PNPLA1: variants seen among roughly 807,000 people sequenced by gnomAD.
PNPLA1 encodes patatin like domain 1, omega-hydroxyceramide transacylase.
PNPLA1 carries 36 observed loss-of-function variants against 51.7 expected under a neutral mutation model. The ratio of observed to expected loss-of-function variants is 0.70; its 90% confidence interval spans 0.53 to 0.92. The LOEUF (loss-of-function observed/expected upper bound fraction) is 0.92. PNPLA1 is among the 40% of genes least tolerant of loss of function. The pLI, the probability that PNPLA1 is intolerant of heterozygous loss-of-function variation, is 0.00. For synonymous variants in PNPLA1, 293 were observed against 280.1 expected (o/e 1.05, Z -0.46); for missense variants, 658 against 682.5 (o/e 0.96, Z 0.40).
intron 1 of PNPLA1, among the ~76,000 whole-genome samples, chr6:36,246,803 A>G (rs1363811358): frequency 6.6e-6 from 1 of 152,188 alleles, no homozygotes; most frequent in Non-Finnish European, 1.5e-5. Flanking sequence ...TTTTCATGAC[A>G]TAAACAGCTC....
chr6:36,291,211 TC>T, intron 1 of PNPLA1, 108 bp from the exon 2 acceptor site: 1 of 775,474 alleles, frequency 1.3e-6, no homozygotes, highest in Non-Finnish European at 2.1e-6. Context: ...ATTCTAGGTT[TC>T]CCCATTTGTT....
At chr6:36,310,000 A>G (rs1174037273) in intron 8 of PNPLA1, among the ~76,000 whole-genome samples, 3 of 152,232 alleles carry the variant, frequency 2.0e-5, no homozygotes, top group African/African-American at 7.2e-5. Context: ...GCTAAAGTGT[A>G]GATGTCCCAT....
At chr6:36,274,267 T>C (rs1770022601) in intron 1 of PNPLA1, among the ~76,000 whole-genome samples, 1 of 152,170 alleles carries the variant, frequency 6.6e-6, no homozygotes, top group South Asian at 2.1e-4. Flanking sequence ...GAATTCGAAC[T>C]CAGTCTGGCC....
chr6:36,300,069 A>G (rs148370154), intron 5 of PNPLA1, among the ~76,000 whole-genome samples: 1 of 152,028 alleles, frequency 6.6e-6, no homozygotes, highest in Non-Finnish European at 1.5e-5. Context: ...TTTCTGTTCC[A>G]GGACCCCCCA....
chr6:36,272,941 C>A (rs1226458087), intron 1 of PNPLA1, among the ~76,000 whole-genome samples: 1 of 151,974 alleles, frequency 6.6e-6, no homozygotes, highest in Non-Finnish European at 1.5e-5. Flanking sequence ...TCAAACAGTG[C>A]GAAAGTGTAT....
chr6:36,273,205 A>G (rs2127325595), intron 1 of PNPLA1, among the ~76,000 whole-genome samples: 1 of 152,018 alleles, frequency 6.6e-6, no homozygotes, highest in South Asian at 2.1e-4. Context: ...GCGCTACTAC[A>G]CTCCAGCCTG....
At chr6:36,277,716 T>G (rs755018841) in intron 1 of PNPLA1, among the ~76,000 whole-genome samples, 1 of 152,144 alleles carries the variant, frequency 6.6e-6, no homozygotes, top group Admixed American at 6.5e-5. Flanking sequence ...ATAAAATAAT[T>G]AGCCAGGTGT....
intron 8 of PNPLA1, among the ~76,000 whole-genome samples, chr6:36,309,797 G>C (rs1451235238): frequency 6.6e-6 from 1 of 152,144 alleles, no homozygotes. Flanking sequence ...AATTCCAAAG[G>C]CTGGGGTAAG....
At position 36,270,580 on chromosome 6, in the gene PNPLA1, C is replaced by G. The variant is rs975722641; in HGVS notation, c.121C>G (p.Arg41Gly). Reference sequence around the variant, plus strand: ...GGACGCCCTGCGGGACCTGGCCCCCCGGATGCTGGAAACAGCCCACCGCTT... The same window carrying G: ...GGACGCCCTGCGGGACCTGGCCCCCGGGATGCTGGAAACAGCCCACCGCTT... ...AVDALRDLAP[R>G]MLETAHRFAG... Residue 41 changes from arginine (R) to glycine (G), a missense_variant, in exon 1 of 9, where the codon CGG becomes GGG. Arg to Gly is a moderately radical substitution (Grantham distance 125). Transcript: ENST00000636260. 1.3e-6 allele frequency: 2 copies of G among 1,551,604 alleles called. No homozygotes were observed.
At chr6:36,288,665 AGCC>A (rs2127342438) in intron 1 of PNPLA1, among the ~76,000 whole-genome samples, 1 of 151,240 alleles carries the variant, frequency 6.6e-6, no homozygotes, top group South Asian at 2.1e-4. Flanking sequence ...TCACCTTGTT[AGCC>A]AGGATGGTCT....
Position 36,291,387 on chromosome 6 carries a change from C to T in PNPLA1, c.273C>T (p.Ser91=). The change falls in exon 2 of 9, where the codon TCC becomes TCT. Residue 91 remains serine, a synonymous_variant. Transcript: ENST00000636260. The part of the protein sequence containing the change: ...EVKKSFLGPL[S]PSCKMVQMMR... ...AGAAATCCTTCCTGGGGCCCTTGTCCCCGTCCTGTAAGATGGTGCAGATGA... is the reference window on the plus strand; with the variant it reads ...AGAAATCCTTCCTGGGGCCCTTGTCTCCGTCCTGTAAGATGGTGCAGATGA... The T allele has an allele frequency of 6.2e-7, 1 of 1,614,104 alleles. No homozygotes were observed. Among genetic ancestry groups the T allele is most frequent in the Non-Finnish European group, 8.5e-7 (1 of 1,180,018 alleles).
intron 1 of PNPLA1, among the ~76,000 whole-genome samples, chr6:36,255,649 T>G (rs1051530303): frequency 9.9e-5 from 15 of 151,724 alleles, no homozygotes; most frequent in Non-Finnish European, 4.4e-5. Context: ...ATTGTGCCAC[T>G]GCACTCCAGC....
chr6:36,293,816 A>G (rs2127346356), intron 3 of PNPLA1, among the ~76,000 whole-genome samples: 1 of 152,288 alleles, frequency 6.6e-6, no homozygotes, highest in East Asian at 1.9e-4. Context: ...CCAGAAAGGA[A>G]GGGGCTTGTG....
Position 36,270,489 on chromosome 6 carries a change from G to C in PNPLA1, c.30G>C (p.Pro10=). Residue 10 remains proline (P), a synonymous_variant, in exon 1 of 9, where the codon CCG becomes CCC. Transcript: ENST00000636260. The part of the protein sequence containing the change: MEEQVFKGD[P]DTPHSISFSG... ...AAGAACAGGTGTTCAAGGGGGACCC[G>C]GACACCCCTCACTCCATCTCCTTCT... 1 of 1,551,434 alleles carries C rather than the reference G, an allele frequency of 6.4e-7. No homozygotes were observed. Among genetic ancestry groups the C allele is most frequent in the Non-Finnish European group, 8.7e-7 (1 of 1,146,996 alleles).
intron 2 of PNPLA1, among the ~76,000 whole-genome samples, chr6:36,292,822 A>G (rs1770729934): frequency 6.6e-6 from 1 of 152,030 alleles, no homozygotes; most frequent in African/African-American, 2.4e-5. Flanking sequence ...GCTATGGAGG[A>G]CCCCCTCCTG....
chr6:36,270,488 C>T lies in PNPLA1; in HGVS notation c.29C>T (p.Pro10Leu), dbSNP rs1350879070. 2 of 1,551,414 alleles carry T rather than the reference C, an allele frequency of 1.3e-6. No individual in the cohort carries two copies. Among genetic ancestry groups the T allele is most frequent in the East Asian group, 2.4e-5 (1 of 40,918 alleles). MEEQVFKGD[P>L]DTPHSISFSG... Reference sequence around the variant, plus strand: ...GAAGAACAGGTGTTCAAGGGGGACCCGGACACCCCTCACTCCATCTCCTTC... The same window carrying T: ...GAAGAACAGGTGTTCAAGGGGGACCTGGACACCCCTCACTCCATCTCCTTC... Residue 10 changes from proline to leucine, a missense_variant, in exon 1 of 9, where the codon CCG becomes CTG. Pro to Leu is a moderately conservative substitution (Grantham distance 98, BLOSUM62 -3). Coordinates refer to ENST00000636260, the MANE Select transcript of PNPLA1 (RefSeq NM_001374623.1).
intron 1 of PNPLA1, among the ~76,000 whole-genome samples, chr6:36,289,611 CG>C (rs1770613479): frequency 1.0e-5 from 1 of 96,986 alleles, no homozygotes; most frequent in African/African-American, 5.1e-5. Flanking sequence ...TCTGAAGGTT[CG>C]AAAAAAAAAA....
chr6:36,267,705 C>A (rs1201813810), upstream of PNPLA1, among the ~76,000 whole-genome samples: 1 of 152,116 alleles, frequency 6.6e-6, no homozygotes, highest in Non-Finnish European at 1.5e-5. Flanking sequence ...CAACATGACC[C>A]CACACCCTCC....
At chr6:36,282,088 A>AGAAAGAAAGAAAGAAAGAAAGAAGGAAG (rs1554136580) in intron 1 of PNPLA1, among the ~76,000 whole-genome samples, 8 of 98,896 alleles carry the variant, frequency 8.1e-5, no homozygotes, top group African/African-American at 2.4e-4. Context: ...AAAGAAAGAA[A>AGAAAGAAAGAAAGAAAGAAAGAAGGAAG]GAAGGAAGGA....
Sources: gnomAD v4.1 joint callset for allele counts (sites outside exome capture counted in the v4.1 genomes callset) on GRCh38, gnomAD v4.1.1 for gene constraint, MANE v1.5 for transcripts, NCBI Gene and HGNC (gene_info 2026-07-23, HGNC 2026-07-21) for gene names.